Variants in INPP5B observed in about 807,000 individuals in gnomAD.
INPP5B encodes the protein type II inositol 1,4,5-trisphosphate 5-phosphatase.
A neutral mutation model predicts 118.5 loss-of-function variants in INPP5B; 90 were observed. The observed-to-expected ratio is 0.76, with a 90% CI of 0.64 to 0.90. INPP5B has a LOEUF of 0.90. Among genes scored for constraint, INPP5B ranks in the 40% least tolerant of loss-of-function variants. INPP5B has a pLI of 0.00. For missense variants in INPP5B, 984 were observed against 1,125.6 expected, an observed-to-expected ratio of 0.87 and a Z score of 1.80; for synonymous variants, 385 against 418.9, an observed-to-expected ratio of 0.92 and a Z score of 0.99.
chr1:37,881,857 T>A (rs1242738062), intron 14 of INPP5B, among the ~76,000 whole-genome samples: 1 of 152,152 alleles, frequency 6.6e-6, no homozygotes. Context: ...CCCAGTGCTT[T>A]GGGAGGCTGA....
Position 37,866,552 on chromosome 1 carries a change from G to T in INPP5B, c.2302-9C>A. 1 of 1,521,052 alleles carries T rather than the reference G, an allele frequency of 6.6e-7. No homozygotes were observed. Among genetic ancestry groups the T allele is most frequent in the Non-Finnish European group, 9.1e-7 (1 of 1,095,156 alleles). 94.2% of individuals were successfully genotyped at this position (1,521,052 alleles called of 1,614,324 possible). A position where few individuals can be genotyped will look rare whatever the true frequency, so the allele number is the denominator to read the frequency against. ...TGCTGAAACAGATCTTCCTGCAAAA[G>T]GGAAGACAGTAACAAAATAATTATT... On this transcript the variant is annotated splice_polypyrimidine_tract_variant and intron_variant, in intron 20 of 23. Coordinates refer to ENST00000373024, the MANE Select transcript of INPP5B (RefSeq NM_005540.3).
rs751580380 is a variant in INPP5B at position 37,886,945 on chromosome 1, T to C, written c.1074A>G (p.Ala358=). ...MLLLYVKQEH[A]AYISEVEAET... is the part of the protein sequence containing the mutation. ...CGGCTTCCACTTCTGAGATATAAGCTGCATGCTCCTGTTTGACATATAACA... is the reference window on the plus strand; with the variant it reads ...CGGCTTCCACTTCTGAGATATAAGCCGCATGCTCCTGTTTGACATATAACA... The change falls in exon 12 of 24, where the codon GCA becomes GCG. Residue 358 remains alanine (A), a synonymous_variant. Transcript: ENST00000373024. 5.0e-6 allele frequency: 8 copies of C among 1,614,088 alleles called. No individual in the cohort carries two copies. The highest frequency in any genetic ancestry group is 5.9e-6 in the Non-Finnish European group (7 of 1,180,038).
intron 19 of INPP5B, among the ~76,000 whole-genome samples, chr1:37,870,921 G>A (rs1237334496): frequency 2.0e-5 from 3 of 152,162 alleles, no homozygotes; most frequent in Non-Finnish European, 2.9e-5. Flanking sequence ...TGGTGAGGCC[G>A]AGGTGGGTGG....
At chr1:37,880,455 T>G (rs1349583237) in intron 14 of INPP5B, among the ~76,000 whole-genome samples, 2 of 123,294 alleles carry the variant, frequency 1.6e-5, no homozygotes, top group Non-Finnish European at 3.8e-5. Flanking sequence ...TTATTTATTT[T>G]GAGACGGAGT....
At chr1:37,901,981 T>C (rs1286538676) in intron 7 of INPP5B, among the ~76,000 whole-genome samples, 1 of 130,216 alleles carries the variant, frequency 7.7e-6, no homozygotes, top group Non-Finnish European at 1.7e-5. Context: ...GTCTTATGAA[T>C]CCTCTATTAA....
rs569735587 is a variant in INPP5B, at chr1:37,895,659, C to T, written c.533-4205G>A. On this transcript the variant is annotated intron_variant, in intron 7 of 23. Coordinates refer to ENST00000373024, the MANE Select transcript of INPP5B (RefSeq NM_005540.3). ...TGCCGAGTGCCTGCGATTGCAGGCG[C>T]GCGCCGCCACGCCTGACTGGTTTTC... Among the ~76,000 whole-genome samples the T allele has an allele frequency of 3.1e-4, 47 of 152,172 alleles. No homozygotes were observed. The East Asian group carries it at 4.1e-3, about 13-fold the overall frequency.
At chr1:37,875,518 T>C (rs960020319) in intron 17 of INPP5B, 88 bp downstream of exon 17, 3 of 923,568 alleles carry the variant, frequency 3.2e-6, no homozygotes, top group African/African-American at 1.6e-5. Flanking sequence ...CCTGCCCACC[T>C]TGGCCTCCCA....
At chr1:37,884,048 G>A (rs1384840290) in intron 13 of INPP5B, among the ~76,000 whole-genome samples, 1 of 152,168 alleles carries the variant, frequency 6.6e-6, no homozygotes. Context: ...AGGAAAAAAA[G>A]ACCAAGTGGA....
Position 37,933,900 on chromosome 1 carries a change from TTTATTTA to T in INPP5B, c.392-1854_392-1848del, listed in dbSNP as rs1645588921. Among the ~76,000 whole-genome samples the T allele has an allele frequency of 2.5e-4, 3 of 12,098 alleles. No individual in the cohort carries two copies. In the Admixed American group the frequency reaches 4.2e-3, roughly 17 times the overall value. 7.9% of individuals were successfully genotyped at this position (12,098 alleles called of 152,430 possible). On this transcript the variant is annotated intron_variant, in intron 6 of 23. Coordinates refer to ENST00000373024, the MANE Select transcript of INPP5B (RefSeq NM_005540.3). ...CTGGTCCCATTACTTCAATTTTTAT[TTTATTTA>T]TTTATTTATTTATTTATTTATTTAT...
Position 37,888,294 on chromosome 1 carries a change from A to T in INPP5B, c.848T>A (p.Leu283His), listed in dbSNP as rs754973933. ...GATACCATTGCTCAGCCACAGCCGG[A>T]GGCATTCTTTGGGGGACTGCCCATT... Reference protein sequence around the residue: ...NVNGQSPKECLRLWLSNGIQA... With the variant: ...NVNGQSPKECHRLWLSNGIQA... Residue 283 changes from leucine to histidine, a missense_variant, in exon 10 of 24, where the codon CTC (leucine) becomes CAC (histidine). Leu to His is a moderately conservative substitution (Grantham distance 99). Around this residue, in one of 2 missense-constraint regions of INPP5B, gnomAD observed 634 missense variants for 791.0 expected, o/e 0.80. Transcript: ENST00000373024. The T allele has an allele frequency of 3.2e-6, 5 of 1,580,788 alleles. No individual in the cohort carries two copies. The Admixed American group carries it at 7.3e-5, about 23-fold the overall frequency.
intron 23 of INPP5B, among the ~76,000 whole-genome samples, chr1:37,864,104 C>T (rs576382463): frequency 5.7e-4 from 87 of 151,970 alleles, no homozygotes; most frequent in Non-Finnish European, 9.6e-4. Flanking sequence ...TGTGAGCCAC[C>T]GCCCCCAGCC....
intron 19 of INPP5B, among the ~76,000 whole-genome samples, chr1:37,869,459 T>TA (rs1557620044): frequency 2.0e-5 from 3 of 151,408 alleles, no homozygotes; most frequent in African/African-American, 4.8e-5. Context: ...GGTCCACTGT[T>TA]TTTATTTATT....
rs182880489 is a variant in INPP5B at position 37,883,847 on chromosome 1, C to T, written c.1320-929G>A. ...TCTGTTTACTCCTTGGCAGATATCA[C>T]GGCCCCAGTGGCTTCTTCCTCTTTA... On this transcript the variant is annotated intron_variant, in intron 13 of 23. Transcript: ENST00000373024. 37 of 985,396 alleles carry T rather than the reference C, an allele frequency of 3.8e-5. No homozygotes were observed. In the African/African-American group the frequency reaches 6.1e-4, roughly 16 times the overall value. 61.0% of individuals were successfully genotyped at this position (985,396 alleles called of 1,614,324 possible). A position where few individuals can be genotyped will look rare whatever the true frequency, so the allele number is the denominator to read the frequency against.
At chr1:37,943,087 G>A (rs1455405539) in intron 5 of INPP5B, among the ~76,000 whole-genome samples, 3 of 151,386 alleles carry the variant, frequency 2.0e-5, no homozygotes, top group Non-Finnish European at 2.9e-5. Flanking sequence ...GGCAACCTCC[G>A]CCTCCCAGGT....
chr1:37,899,753 C>T (rs375416877), intron 7 of INPP5B, among the ~76,000 whole-genome samples: 8 of 149,826 alleles, frequency 5.3e-5, no homozygotes, highest in South Asian at 2.1e-4. Flanking sequence ...CTTGCTCTGT[C>T]GCCCAGGCTG....
rs1440856592 is a variant in INPP5B at position 37,920,416 on chromosome 1, G to A, written c.532+11497C>T. Among the ~76,000 whole-genome samples the A allele has an allele frequency of 5.3e-5, 8 of 152,186 alleles. No homozygotes were observed. In the South Asian group the frequency reaches 1.7e-3, roughly 32 times the overall value. On this transcript the variant is annotated intron_variant, in intron 7 of 23. Coordinates refer to ENST00000373024, the MANE Select transcript of INPP5B (RefSeq NM_005540.3). ...GCGGTGGCTCATGCCTATAACCCCA[G>A]CACTTTGGGAGGCCAAGGCAGGCAG... is the stretch of plus-strand genomic sequence containing the variant.
At chr1:37,896,998 C>G (rs1409608390) in intron 7 of INPP5B, among the ~76,000 whole-genome samples, 1 of 108,794 alleles carries the variant, frequency 9.2e-6, no homozygotes, top group African/African-American at 2.9e-5. Flanking sequence ...GTCAGCCCCC[C>G]GCCCGGCCAG....
chr1:37,865,804 T>C lies in INPP5B; in HGVS notation c.2471A>G (p.His824Arg), dbSNP rs1168617872. Residue 824 changes from histidine to arginine, a missense_variant, in exon 22 of 24, where the codon CAT becomes CGT. Physicochemically the swap from His to Arg is conservative, Grantham distance 29. This residue lies in a region of INPP5B where 634 missense variants were observed against 791.0 expected (regional missense o/e 0.80). Transcript: ENST00000373024. ...GTTGCCAGAACACTCCAAGCAGTTA[T>C]GGTAGGTGCTGTAACAGATGACAGG... ...PEPVICYSTY[H>R]NCLECSGNYT... The C allele has an allele frequency of 6.2e-7, 1 of 1,613,694 alleles. No individual in the cohort carries two copies. Among genetic ancestry groups the C allele is most frequent in the Admixed American group, 1.7e-5 (1 of 59,994 alleles).
intron 7 of INPP5B, among the ~76,000 whole-genome samples, chr1:37,897,246 A>T (rs1319320569): frequency 6.6e-6 from 1 of 151,218 alleles, no homozygotes; most frequent in African/African-American, 2.4e-5. Flanking sequence ...CCAACAGCTC[A>T]TTGAGAACGG....
Sources: gnomAD v4.1 joint callset for allele counts (sites outside exome capture counted in the v4.1 genomes callset) on GRCh38, gnomAD v4.1.1 for gene constraint, gnomAD v4.1.1 regional missense constraint, MANE v1.5 for transcripts, NCBI Gene and HGNC (gene_info 2026-07-23, HGNC 2026-07-21) for gene names.